CNTN5: variants seen among roughly 807,000 people sequenced by gnomAD.
CNTN5 encodes the protein contactin 5.
CNTN5 carries 77 observed loss-of-function variants against 129.1 expected under a neutral mutation model. That is an observed-to-expected ratio of 0.60 (90% CI 0.50 to 0.72). CNTN5 has a LOEUF of 0.72. Ranked by LOEUF, CNTN5 falls within the 30% of genes least tolerant of loss-of-function variation. The pLI is 0.00. For missense variants in CNTN5, 1,478 were observed against 1,328.8 expected (o/e 1.11, Z -1.75); for synonymous variants, 509 against 465.6 (o/e 1.09, Z -1.20).
intron 1 of CNTN5, among the ~76,000 whole-genome samples, chr11:99,110,004 C>A (rs1285169590): frequency 6.6e-6 from 1 of 152,058 alleles, no homozygotes. Flanking sequence ...CCCCTGTCAT[C>A]TCAGAATTCA....
intron 9 of CNTN5, among the ~76,000 whole-genome samples, chr11:100,048,469 T>A (rs1942799919): frequency 6.6e-6 from 1 of 152,098 alleles, no homozygotes; most frequent in Non-Finnish European, 1.5e-5. Context: ...GTTGATTCTG[T>A]TTCCCTGGAG....
At chr11:99,882,435 A>C (rs1033023018) in intron 6 of CNTN5, among the ~76,000 whole-genome samples, 1 of 152,188 alleles carries the variant, frequency 6.6e-6, no homozygotes, top group Non-Finnish European at 1.5e-5. Context: ...GATTTGGTTT[A>C]AAAGTAGACG....
At chr11:99,861,820 C>A (rs1293968819) in intron 6 of CNTN5, among the ~76,000 whole-genome samples, 1 of 152,094 alleles carries the variant, frequency 6.6e-6, no homozygotes, top group Non-Finnish European at 1.5e-5. Context: ...TAGGGATATT[C>A]AAATATTCTA....
At chr11:100,328,137 G>A (rs1197653853) in intron 21 of CNTN5, among the ~76,000 whole-genome samples, 1 of 152,056 alleles carries the variant, frequency 6.6e-6, no homozygotes, top group Non-Finnish European at 1.5e-5. Flanking sequence ...GACCGTTTAA[G>A]GCCAGGAGTC....
At chr11:99,209,804 A>G (rs1045257284) in intron 1 of CNTN5, among the ~76,000 whole-genome samples, 2 of 152,162 alleles carry the variant, frequency 1.3e-5, no homozygotes, top group Non-Finnish European at 2.9e-5. Context: ...CAGACACTAA[A>G]TTCTAGATCA....
intron 2 of CNTN5, among the ~76,000 whole-genome samples, chr11:99,511,689 T>C (rs1946841738): frequency 6.6e-6 from 1 of 152,034 alleles, no homozygotes; most frequent in African/African-American, 2.4e-5. Flanking sequence ...AGTCTCTTTG[T>C]AGGTCACTCA....
chr11:99,360,110 G>A (rs549335102), intron 2 of CNTN5, among the ~76,000 whole-genome samples: 3 of 152,064 alleles, frequency 2.0e-5, no homozygotes, highest in Non-Finnish European at 2.9e-5. Context: ...ACATTAAACC[G>A]TAAGACTTGA....
intron 6 of CNTN5, among the ~76,000 whole-genome samples, chr11:99,906,982 A>AT (rs1437471842): frequency 2.6e-5 from 4 of 151,984 alleles, no homozygotes; most frequent in Non-Finnish European, 4.4e-5. Flanking sequence ...CCACTTTGCC[A>AT]TTTTTTATTG....
chr11:99,325,879 C>T (rs1042965264), intron 2 of CNTN5, among the ~76,000 whole-genome samples: 1 of 152,100 alleles, frequency 6.6e-6, no homozygotes. Flanking sequence ...TAGTGGATGG[C>T]TTTTGTGCTT....
intron 2 of CNTN5, among the ~76,000 whole-genome samples, chr11:99,342,995 C>T (rs1202962253): frequency 6.6e-6 from 1 of 151,958 alleles, no homozygotes; most frequent in Non-Finnish European, 1.5e-5. Flanking sequence ...AAACAAAAGA[C>T]AAAATTTTGT....
At chr11:100,209,295 T>A in intron 15 of CNTN5, among the ~76,000 whole-genome samples, 1 of 152,180 alleles carries the variant, frequency 6.6e-6, no homozygotes, top group East Asian at 1.9e-4. Flanking sequence ...CAAAAAATAA[T>A]CATTTGTACA....
chr11:100,134,157 C>G (rs1463515944), intron 13 of CNTN5, among the ~76,000 whole-genome samples: 1 of 152,102 alleles, frequency 6.6e-6, no homozygotes, highest in African/African-American at 2.4e-5. Flanking sequence ...GAGAAGGGCT[C>G]ATAGCTGCTT....
At chr11:99,698,144 A>C (rs1954354813) in intron 3 of CNTN5, among the ~76,000 whole-genome samples, 1 of 151,240 alleles carries the variant, frequency 6.6e-6, no homozygotes, top group East Asian at 1.9e-4. Context: ...AGTAGCCACC[A>C]AAATCTCGGA....
intron 3 of CNTN5, among the ~76,000 whole-genome samples, chr11:99,558,515 G>A (rs1948744536): frequency 6.6e-6 from 1 of 151,896 alleles, no homozygotes; most frequent in African/African-American, 2.4e-5. Context: ...AGAAGGTGGT[G>A]TTCTATAATA....
intron 15 of CNTN5, among the ~76,000 whole-genome samples, chr11:100,222,060 T>C (rs1949276791): frequency 6.6e-6 from 1 of 152,216 alleles, no homozygotes; most frequent in Admixed American, 6.5e-5. Context: ...GTAAATCTAC[T>C]GAAAGGGTAA....
chr11:99,735,020 AAAAC>A (rs1394506322), intron 3 of CNTN5, among the ~76,000 whole-genome samples: 2 of 152,200 alleles, frequency 1.3e-5, no homozygotes, highest in Non-Finnish European at 2.9e-5. Flanking sequence ...AACAAAAACA[AAAAC>A]AAAAGTTCTG....
intron 3 of CNTN5, among the ~76,000 whole-genome samples, chr11:99,769,230 G>A (rs1209675862): frequency 1.3e-5 from 2 of 152,010 alleles, no homozygotes; most frequent in Non-Finnish European, 2.9e-5. Context: ...AAATTCTGAA[G>A]CAACAAAATA....
intron 3 of CNTN5, among the ~76,000 whole-genome samples, chr11:99,717,353 A>G (rs1210636584): frequency 6.6e-6 from 1 of 152,098 alleles, no homozygotes; most frequent in African/African-American, 2.4e-5. Flanking sequence ...TTAAAATGTC[A>G]TAATAAATTT....
chr11:99,657,627 T>A (rs1003703578), intron 3 of CNTN5, among the ~76,000 whole-genome samples: 2 of 152,004 alleles, frequency 1.3e-5, no homozygotes, highest in African/African-American at 4.8e-5. Flanking sequence ...TTTAAAAACC[T>A]GAGTCTTTTA....
Sources: gnomAD v4.1 joint callset for allele counts (sites outside exome capture counted in the v4.1 genomes callset) on GRCh38, gnomAD v4.1.1 for gene constraint, MANE v1.5 for transcripts, NCBI Gene and HGNC (gene_info 2026-07-23, HGNC 2026-07-21) for gene names.